The following OR10G8 variants were observed in gnomAD, a reference collection of about 807,000 sequenced individuals.
The protein encoded by OR10G8 is olfactory receptor 10G8.
For missense variants in OR10G8, 386 were observed against 384.9 expected (o/e 1.00, Z -0.02); for synonymous variants, 173 against 163.2 (o/e 1.06, Z -0.46).
intron 1 of OR10G8, among the ~76,000 whole-genome samples, chr11:124,028,358 C>T (rs893513497): frequency 2.6e-5 from 4 of 152,100 alleles, no homozygotes; most frequent in Admixed American, 6.6e-5. Flanking sequence ...TATGGAGTTG[C>T]GCTGAGATTC....
At chr11:124,029,398 A>G (rs1056883700) in intron 1 of OR10G8, among the ~76,000 whole-genome samples, 198 bp from the exon 2 acceptor site, 6 of 152,174 alleles carry the variant, frequency 3.9e-5, no homozygotes, top group Non-Finnish European at 8.8e-5. Flanking sequence ...TTTCTTCCGC[A>G]TATGTCTCTG....
At position 124,029,894 on chromosome 11, in the gene OR10G8, T is replaced by G; in HGVS notation, c.272T>G (p.Ile91Ser). 6.2e-7 allele frequency: 1 copy of G among 1,614,130 alleles called. No homozygotes were observed. Among genetic ancestry groups the G allele is most frequent in the Non-Finnish European group, 8.5e-7 (1 of 1,180,020 alleles). ...MTLVFPSGRA[I>S]SFHSCMAQLY... ...TTGGTGTTCCCAAGTGGCAGGGCTA[T>G]CTCCTTCCACAGCTGCATGGCTCAG... Residue 91 changes from isoleucine to serine, a missense_variant, in exon 2 of 2, where the codon ATC becomes AGC. Ile to Ser is a moderately radical substitution (Grantham distance 142, BLOSUM62 -2). Coordinates refer to ENST00000641224, the MANE Select transcript of OR10G8 (RefSeq NM_001004464.2).
At chr11:124,027,361 G>A (rs369062981) in intron 1 of OR10G8, among the ~76,000 whole-genome samples, 1 of 152,128 alleles carries the variant, frequency 6.6e-6, no homozygotes, top group East Asian at 1.9e-4. Context: ...TCAGATATAA[G>A]ATATTCGATA....
At position 124,029,790 on chromosome 11, in the gene OR10G8, C is replaced by A. The variant is rs757857253; in HGVS notation, c.168C>A (p.Thr56=). 2 of 1,614,104 alleles carry A rather than the reference C, an allele frequency of 1.2e-6. No homozygotes were observed. The highest frequency in any genetic ancestry group is 1.7e-6 in the Non-Finnish European group (2 of 1,180,004). ...VIRVDSHLHT[T]MYYFLTNLSF... ...GGGTGGATTCTCACCTCCACACCAC[C>A]ATGTACTACTTCCTCACCAACCTGT... The change falls in exon 2 of 2, where the codon ACC becomes ACA. Residue 56 remains threonine, a synonymous_variant. Coordinates refer to ENST00000641224, the MANE Select transcript of OR10G8 (RefSeq NM_001004464.2).
rs1488769893 is a variant in OR10G8, at chr11:124,030,215, T to G, written c.593T>G (p.Ile198Ser). Residue 198 changes from isoleucine to serine, a missense_variant, in exon 2 of 2, where the codon ATT (isoleucine) becomes AGT (serine). Physicochemically the swap from Ile to Ser is moderately radical, Grantham distance 142 (BLOSUM62 -2). Transcript: ENST00000641224. Reference protein sequence around the residue: ...CADTSAIETVIFVTVGIVASG... With the variant: ...CADTSAIETVSFVTVGIVASG... ...GACACCTCAGCCATAGAGACTGTCA[T>G]TTTTGTGACTGTTGGAATAGTGGCC... The G allele has an allele frequency of 6.2e-7, 1 of 1,614,034 alleles. No individual in the cohort carries two copies. Among genetic ancestry groups the G allele is most frequent in the African/African-American group, 1.3e-5 (1 of 74,926 alleles).
chr11:124,029,534 C>G, intron 1 of OR10G8, 62 bp from the exon 2 acceptor site: 1 of 1,410,780 alleles, frequency 7.1e-7, no homozygotes, highest in Non-Finnish European at 9.7e-7. Context: ...AGTTTCCACA[C>G]AGAGAATGGA....
At chr11:124,028,854 C>G (rs886573872) in intron 1 of OR10G8, among the ~76,000 whole-genome samples, 4 of 152,030 alleles carry the variant, frequency 2.6e-5, no homozygotes, top group African/African-American at 9.7e-5. Context: ...TTTGCAGTAG[C>G]CTTCAAGATT....
At chr11:124,028,157 A>T (rs1161527901) in intron 1 of OR10G8, among the ~76,000 whole-genome samples, 4 of 152,192 alleles carry the variant, frequency 2.6e-5, no homozygotes, top group Non-Finnish European at 4.4e-5. Flanking sequence ...ATATTTAGAA[A>T]CCTAGGGTAG....
intron 1 of OR10G8, among the ~76,000 whole-genome samples, chr11:124,027,707 C>A (rs565122962): frequency 6.6e-6 from 1 of 152,244 alleles, no homozygotes; most frequent in East Asian, 1.9e-4. Flanking sequence ...TATTTATTTA[C>A]ATATTTCAAA....
At chr11:124,027,454 G>T (rs1242561230) in intron 1 of OR10G8, among the ~76,000 whole-genome samples, 1 of 152,162 alleles carries the variant, frequency 6.6e-6, no homozygotes, top group South Asian at 2.1e-4. Context: ...AGACAAAGTT[G>T]CTATGTATAC....
rs375042731 is a variant in OR10G8, at chr11:124,030,045, T to A, written c.423T>A (p.Thr141=). The change falls in exon 2 of 2, where the codon ACT becomes ACA. Residue 141 remains threonine (T), a synonymous_variant. Coordinates refer to ENST00000641224, the MANE Select transcript of OR10G8 (RefSeq NM_001004464.2). The part of the protein sequence containing the change: ...YTSMMTGRSC[T]LLATSTWLSG... ...GCATGATGACTGGGCGCTCGTGTAC[T>A]CTTCTGGCCACCAGCACTTGGCTCA... The A allele has an allele frequency of 3.7e-6, 6 of 1,613,982 alleles. No homozygotes were observed. Among genetic ancestry groups the A allele is most frequent in the Non-Finnish European group, 5.1e-6 (6 of 1,179,996 alleles).
rs367645374 is a variant in OR10G8, at chr11:124,029,748, C to G, written c.126C>G (p.Leu42=). ...VYVLTVLGNL[L]ILLVIRVDSH... is the part of the protein sequence containing the mutation. Reference sequence around the variant, plus strand: ...TGCTCACTGTGCTGGGGAACCTCCTCATCCTGCTGGTGATCAGGGTGGATT... The same window carrying G: ...TGCTCACTGTGCTGGGGAACCTCCTGATCCTGCTGGTGATCAGGGTGGATT... The change falls in exon 2 of 2, where the codon CTC becomes CTG. Residue 42 remains leucine, a synonymous_variant. Coordinates refer to ENST00000641224, the MANE Select transcript of OR10G8 (RefSeq NM_001004464.2). 8.1e-6 allele frequency: 13 copies of G among 1,613,872 alleles called. No individual in the cohort carries two copies. The highest frequency in any genetic ancestry group is 1.1e-5 in the Non-Finnish European group (13 of 1,179,904).
chr11:124,027,248 T>G (rs909632668), intron 1 of OR10G8, among the ~76,000 whole-genome samples: 6 of 152,170 alleles, frequency 3.9e-5, no homozygotes, highest in African/African-American at 1.2e-4. Context: ...TCAGATGAGT[T>G]TTACTATTGA....
At position 124,029,943 on chromosome 11, in the gene OR10G8, G is replaced by A. The variant is rs1864140100; in HGVS notation, c.321G>A (p.Gly107=). The A allele has an allele frequency of 4.3e-6, 7 of 1,614,070 alleles. No individual in the cohort carries two copies. Among genetic ancestry groups the A allele is most frequent in the Non-Finnish European group, 5.9e-6 (7 of 1,180,000 alleles). ...AGCTCTATTTCTTTCACTTCCTAGG[G>A]GGCACCGAGTGTTTCCTCTACAGGG... is the stretch of plus-strand genomic sequence containing the variant. The part of the protein sequence containing the change: ...MAQLYFFHFL[G]GTECFLYRVM... The change falls in exon 2 of 2, where the codon GGG becomes GGA. Residue 107 remains glycine, a synonymous_variant. Coordinates refer to ENST00000641224, the MANE Select transcript of OR10G8 (RefSeq NM_001004464.2).
rs150287918 is a variant in OR10G8 at position 124,029,300 on chromosome 11, C to T, written c.-27-296C>T. Among the ~76,000 whole-genome samples, 121 of 152,056 alleles carry T rather than the reference C, an allele frequency of 8.0e-4. No homozygotes were observed. The Middle Eastern group carries it at 0.014, about 17-fold the overall frequency. On this transcript the variant is annotated intron_variant, in intron 1 of 1. Coordinates refer to ENST00000641224, the MANE Select transcript of OR10G8 (RefSeq NM_001004464.2). ...CAGCTGACCTGACCCACAGAGAGGG[C>T]GAGACAATAAATTTGCATGTTTTAA...
In OR10G8 at chr11:124,029,891, C is replaced by T; in HGVS notation, c.269C>T (p.Ala90Val). Reference sequence around the variant, plus strand: ...ACTTTGGTGTTCCCAAGTGGCAGGGCTATCTCCTTCCACAGCTGCATGGCT... The same window carrying T: ...ACTTTGGTGTTCCCAAGTGGCAGGGTTATCTCCTTCCACAGCTGCATGGCT... ...LMTLVFPSGRAISFHSCMAQL... is the reference protein window; with the variant it reads ...LMTLVFPSGRVISFHSCMAQL... Residue 90 changes from alanine to valine, a missense_variant, in exon 2 of 2, where the codon GCT becomes GTT. Coordinates refer to ENST00000641224, the MANE Select transcript of OR10G8 (RefSeq NM_001004464.2). 1 of 1,614,154 alleles carries T rather than the reference C, an allele frequency of 6.2e-7. No individual in the cohort carries two copies. The highest frequency in any genetic ancestry group is 8.5e-7 in the Non-Finnish European group (1 of 1,180,024).
rs775237922 is a variant in OR10G8, at chr11:124,030,398, T to C, written c.776T>C (p.Leu259Pro). 2.5e-6 allele frequency: 4 copies of C among 1,614,098 alleles called. No homozygotes were observed. Among genetic ancestry groups the C allele is most frequent in the East Asian group, 2.2e-5 (1 of 44,888 alleles). ...CFFGPGLFIY[L>P]RPGSRKAVDG... is the part of the protein sequence containing the mutation. ...TTTGGCCCTGGTCTTTTCATTTACC[T>C]GAGGCCAGGCTCCAGGAAAGCTGTG... The change falls in exon 2 of 2, where the codon CTG (leucine) becomes CCG (proline). Residue 259 changes from leucine to proline, a missense_variant. Coordinates refer to ENST00000641224, the MANE Select transcript of OR10G8 (RefSeq NM_001004464.2).
intron 1 of OR10G8, among the ~76,000 whole-genome samples, chr11:124,027,964 A>T (rs1363474995): frequency 2.6e-5 from 4 of 152,214 alleles, no homozygotes; most frequent in Non-Finnish European, 5.9e-5. Context: ...TCAAGGTGGC[A>T]TAGATCCCTC....
At position 124,029,632 on chromosome 11, in the gene OR10G8, G is replaced by C; in HGVS notation, c.10G>C (p.Ala4Pro). Residue 4 changes from alanine (A) to proline (P), a missense_variant, in exon 2 of 2, where the codon GCC becomes CCC. Coordinates refer to ENST00000641224, the MANE Select transcript of OR10G8 (RefSeq NM_001004464.2). The stretch of plus-strand genomic sequence containing the variant: ...CCAAGGGTGAGAAGAAATGTCCAAC[G>C]CCAGCCTACTGACAGCGTTCATCCT... Reference protein sequence around the residue: MSNASLLTAFILMG... With the variant: MSNPSLLTAFILMG... The C allele has an allele frequency of 6.2e-7, 1 of 1,613,314 alleles. No homozygotes were observed. Among genetic ancestry groups the C allele is most frequent in the Non-Finnish European group, 8.5e-7 (1 of 1,179,394 alleles).
Sources: allele counts gnomAD v4.1 joint callset (sites outside exome capture counted in the v4.1 genomes callset), GRCh38; gene constraint gnomAD v4.1.1; transcripts MANE v1.5; gene names NCBI Gene and HGNC (gene_info 2026-07-23, HGNC 2026-07-21).